The following KCNG3 variants were observed in gnomAD, a reference collection of about 807,000 sequenced individuals.
KCNG3 encodes the protein voltage-gated potassium channel regulatory subunit KCNG3.
Under a neutral mutation model 29.0 loss-of-function variants are expected in KCNG3, and 15 were observed. The observed-to-expected ratio is 0.52, with a 90% CI of 0.35 to 0.80. The LOEUF (loss-of-function observed/expected upper bound fraction) is 0.80. Among genes scored for constraint, KCNG3 ranks in the 30% least tolerant of loss-of-function variants. The pLI is 0.01. For missense variants in KCNG3, 512 were observed against 605.7 expected (o/e 0.85, Z 1.62); for synonymous variants, 322 against 248.9 (o/e 1.29, Z -2.76).
intron 1 of KCNG3, among the ~76,000 whole-genome samples, chr2:42,468,954 CAAAAAAAAA>C (rs61287684): frequency 1.6e-4 from 9 of 57,112 alleles, no homozygotes; most frequent in Middle Eastern, 0.026. Context: ...ACTCCGTCTC[CAAAAAAAAA>C]AAAAAAAAAA....
At chr2:42,458,886 T>C (rs1257362901) in intron 1 of KCNG3, among the ~76,000 whole-genome samples, 1 of 151,778 alleles carries the variant, frequency 6.6e-6, no homozygotes, top group Non-Finnish European at 1.5e-5. Context: ...CTTTTAGAGA[T>C]GAAGAACTGA....
the KCNG3 span, among the ~76,000 whole-genome samples, chr2:42,394,255 A>G: frequency 9.2e-5 from 14 of 152,346 alleles, no homozygotes; most frequent in South Asian, 2.7e-3. Context: ...AAGGGGCCCA[A>G]CAAAAACTGC....
At chr2:42,438,420 C>T (rs79818195), downstream of KCNG3, among the ~76,000 whole-genome samples, 22 of 152,206 alleles carry the variant, frequency 1.4e-4, 1 homozygote, top group East Asian at 4.2e-3. Flanking sequence ...TACATCAAAG[C>T]ACTCCTTCAG....
chr2:42,467,504 C>G (rs902199908), intron 1 of KCNG3, among the ~76,000 whole-genome samples: 1 of 150,536 alleles, frequency 6.6e-6, no homozygotes, highest in Non-Finnish European at 1.5e-5. Flanking sequence ...CCCATCTCTA[C>G]TAAAAATACA....
chr2:42,427,134 G>C, the KCNG3 span, among the ~76,000 whole-genome samples: 1 of 152,078 alleles, frequency 6.6e-6, no homozygotes, highest in African/African-American at 2.4e-5. Context: ...CCATATATAA[G>C]GCTACCTTTG....
intron 1 of KCNG3, among the ~76,000 whole-genome samples, chr2:42,492,288 C>T (rs1256218134): frequency 6.6e-6 from 1 of 152,168 alleles, no homozygotes; most frequent in Non-Finnish European, 1.5e-5. Context: ...AGGGCACAGA[C>T]ATCCATTATT....
intron 1 of KCNG3, among the ~76,000 whole-genome samples, chr2:42,490,037 A>G (rs779783349): frequency 7.2e-5 from 11 of 152,196 alleles, no homozygotes; most frequent in Non-Finnish European, 1.3e-4. Flanking sequence ...CATTTACCCT[A>G]AACACAAAAC....
At chr2:42,492,174 TCC>T in intron 1 of KCNG3, among the ~76,000 whole-genome samples, 1 of 152,190 alleles carries the variant, frequency 6.6e-6, no homozygotes, top group East Asian at 1.9e-4. Flanking sequence ...TTTTTTCCCT[TCC>T]CATATCATAG....
At chr2:42,448,156 T>C (rs1157872068) in intron 1 of KCNG3, among the ~76,000 whole-genome samples, 1 of 152,172 alleles carries the variant, frequency 6.6e-6, no homozygotes, top group Non-Finnish European at 1.5e-5. Flanking sequence ...GACCTGTCTG[T>C]ATCACTTGCT....
chr2:42,451,725 C>T (rs1450261199), intron 1 of KCNG3, among the ~76,000 whole-genome samples: 1 of 151,620 alleles, frequency 6.6e-6, no homozygotes, highest in Non-Finnish European at 1.5e-5. Flanking sequence ...GACTTTGTCT[C>T]AAAAAAATTA....
rs566925366 is a variant in KCNG3, at chr2:42,474,682, C to G, written c.665+18155G>C. ...ATATATTTCTATTCTGCTTCTCCCA[C>G]TTAATTTTGCCCTGATATATTTTTT... is the stretch of plus-strand genomic sequence containing the variant. On this transcript the variant is annotated intron_variant, in intron 1 of 1. Coordinates refer to ENST00000306078, the MANE Select transcript of KCNG3 (RefSeq NM_133329.6). 9.2e-4 allele frequency among the ~76,000 whole-genome samples: 140 copies of G among 152,312 alleles called. 1 individual carries two copies. The highest frequency in any genetic ancestry group is 3.2e-3 in the African/African-American group (133 of 41,574).
the KCNG3 span, among the ~76,000 whole-genome samples, chr2:42,422,801 T>C: frequency 7.2e-5 from 11 of 152,136 alleles, no homozygotes; most frequent in Admixed American, 5.9e-4. Context: ...CAGAATGGCT[T>C]TCTGCAAAGC....
intron 1 of KCNG3, among the ~76,000 whole-genome samples, chr2:42,450,876 G>T (rs141665285): frequency 2.2e-4 from 34 of 152,290 alleles, no homozygotes; most frequent in Non-Finnish European, 3.5e-4. Context: ...GGAGCATTTG[G>T]AAATGCAAAT....
At chr2:42,464,882 G>A (rs1673102533) in intron 1 of KCNG3, among the ~76,000 whole-genome samples, 1 of 152,120 alleles carries the variant, frequency 6.6e-6, no homozygotes, top group African/African-American at 2.4e-5. Flanking sequence ...CTCCAGCTAG[G>A]AAGCAAGTAG....
intron 1 of KCNG3, among the ~76,000 whole-genome samples, chr2:42,455,772 A>G (rs1410753945): frequency 1.3e-5 from 2 of 151,650 alleles, no homozygotes; most frequent in East Asian, 4.0e-4. Flanking sequence ...CTGTCTCTTA[A>G]AAAAAATAAA....
intron 1 of KCNG3, among the ~76,000 whole-genome samples, chr2:42,452,782 T>TGTGG (rs1209012344): frequency 2.0e-5 from 3 of 151,594 alleles, no homozygotes; most frequent in Non-Finnish European, 4.4e-5. Flanking sequence ...TGTGTGTGTG[T>TGTGG]GTGTGTGTGT....
intron 1 of KCNG3, among the ~76,000 whole-genome samples, chr2:42,479,548 A>C (rs1481678898): frequency 2.0e-5 from 3 of 151,560 alleles, no homozygotes; most frequent in Non-Finnish European, 4.4e-5. Context: ...TGGGGGGCTG[A>C]GGCAGGAGGG....
chr2:42,406,659 T>C, the KCNG3 span, among the ~76,000 whole-genome samples: 5 of 150,928 alleles, frequency 3.3e-5, no homozygotes, highest in South Asian at 2.1e-4. Flanking sequence ...ACCCCATCTC[T>C]ACTAAAAATT....
chr2:42,414,321 C>T, the KCNG3 span, among the ~76,000 whole-genome samples: 1 of 152,238 alleles, frequency 6.6e-6, no homozygotes, highest in South Asian at 2.1e-4. Flanking sequence ...ACTCTACTGA[C>T]AGTTTAGCTG....
Sources: gnomAD v4.1 joint callset for allele counts (sites outside exome capture counted in the v4.1 genomes callset) on GRCh38, gnomAD v4.1.1 for gene constraint, MANE v1.5 for transcripts, NCBI Gene and HGNC (gene_info 2026-07-23, HGNC 2026-07-21) for gene names.